Variants in KIAA0232 observed in about 807,000 individuals in gnomAD.
The protein encoded by KIAA0232 is KIAA0232, also known as uncharacterized protein KIAA0232.
In KIAA0232, 27 loss-of-function variants were observed where a neutral mutation model predicts 122.0. The ratio of observed to expected loss-of-function variants is 0.22; its 90% CI spans 0.16 to 0.31. KIAA0232 has a LOEUF of 0.31. KIAA0232 is among the 10% of genes least tolerant of loss of function. KIAA0232 has a pLI of 1.00. For missense variants in KIAA0232, 1,551 were observed against 1,634.2 expected (o/e 0.95, Z 0.88); for synonymous variants, 613 against 587.6 (o/e 1.04, Z -0.63).
intron 3 of KIAA0232, among the ~76,000 whole-genome samples, chr4:6,835,680 C>T (rs1434895495): frequency 2.6e-5 from 4 of 152,152 alleles, no homozygotes; most frequent in East Asian, 1.9e-4. Flanking sequence ...CATGTGTTCT[C>T]ATTGTTCAAT....
At chr4:6,858,533 AGT>A in intron 6 of KIAA0232, 27 bp downstream of exon 6, 1 of 1,462,402 alleles carries the variant, frequency 6.8e-7, no homozygotes, top group Non-Finnish European at 9.4e-7. Context: ...TCGGTAATAA[AGT>A]GTGCATTTGT....
At chr4:6,790,411 T>C (rs1716840206) in intron 1 of KIAA0232, among the ~76,000 whole-genome samples, 1 of 135,354 alleles carries the variant, frequency 7.4e-6, no homozygotes, top group Non-Finnish European at 1.6e-5. Context: ...TTTTTTTTTT[T>C]TGAGGCAGAG....
At chr4:6,788,534 A>G (rs531713812) in intron 1 of KIAA0232, among the ~76,000 whole-genome samples, 56 of 152,030 alleles carry the variant, frequency 3.7e-4, no homozygotes, top group African/African-American at 1.2e-3. Flanking sequence ...CTACTTATCT[A>G]TTTTTTCCTT....
intron 3 of KIAA0232, among the ~76,000 whole-genome samples, chr4:6,834,487 T>C (rs1172356665): frequency 2.0e-5 from 3 of 152,354 alleles, no homozygotes; most frequent in South Asian, 2.1e-4. Flanking sequence ...GCAGGTAGGC[T>C]AATGCATTTG....
At chr4:6,848,674 T>C (rs532043616) in intron 4 of KIAA0232, among the ~76,000 whole-genome samples, 1 of 152,366 alleles carries the variant, frequency 6.6e-6, no homozygotes, top group East Asian at 1.9e-4. Flanking sequence ...GGGATGACTA[T>C]ATACTGTGTC....
At chr4:6,791,589 A>C (rs1716897367) in intron 1 of KIAA0232, among the ~76,000 whole-genome samples, 1 of 152,050 alleles carries the variant, frequency 6.6e-6, no homozygotes, top group South Asian at 2.1e-4. Flanking sequence ...TCTGCCTCCC[A>C]AAATGCTGGG....
Position 6,842,092 on chromosome 4 carries a change from A to C in KIAA0232, c.257A>C (p.Glu86Ala). 1 of 1,612,862 alleles carries C rather than the reference A, an allele frequency of 6.2e-7. No homozygotes were observed. Among genetic ancestry groups the C allele is most frequent in the Non-Finnish European group, 8.5e-7 (1 of 1,179,532 alleles). The change falls in exon 4 of 10, where the codon GAA (glutamate) becomes GCA (alanine). Residue 86 changes from glutamate (E) to alanine (A), a missense_variant. Glu to Ala is a moderately radical substitution (Grantham distance 107). Transcript: ENST00000307659. The stretch of plus-strand genomic sequence containing the variant: ...GAGAATGACATCTTCCTGGGCTGGG[A>C]AAAAGGAGCTTATAAGAAATGGGGA... ...EQENDIFLGW[E>A]KGAYKKWGKS...
rs1237112851 is a variant in KIAA0232, at chr4:6,880,790, T to C, written c.4012T>C (p.Ser1338Pro). 6.5e-7 allele frequency: 1 copy of C among 1,534,982 alleles called. No homozygotes were observed. The highest frequency in any genetic ancestry group is 8.8e-7 in the Non-Finnish European group (1 of 1,138,126). ...TTGAAAATTGTTTTAATCTTAGGTG[T>C]CTTCTGTTTATGAAGCAAGATGTAC... ...EERLLDFNRV[S>P]SVYEARCTGE... Residue 1338 changes from serine (S) to proline (P), a missense_variant, in exon 10 of 10, where the codon TCT becomes CCT. By Grantham distance (74) the Ser-to-Pro change is moderately conservative (BLOSUM62 -1). Around this residue, in one of 5 missense-constraint regions of KIAA0232, gnomAD observed 1,108 missense variants for 1,154.8 expected, o/e 0.96. Transcript: ENST00000307659.
chr4:6,809,457 G>A (rs1717778453), intron 2 of KIAA0232, among the ~76,000 whole-genome samples: 1 of 152,144 alleles, frequency 6.6e-6, no homozygotes, highest in Non-Finnish European at 1.5e-5. Flanking sequence ...CAAGATAATG[G>A]CCATTTTGTC....
At position 6,881,119 on chromosome 4, in the gene KIAA0232, T is replaced by G. The variant is rs1722053861; in HGVS notation, c.*153T>G. 1.7e-6 allele frequency: 1 copy of G among 597,150 alleles called. No homozygotes were observed. The highest frequency in any genetic ancestry group is 2.6e-6 in the Non-Finnish European group (1 of 382,018). The allele number at this position is 597,150 out of a possible 1,614,324, so 37.0% of individuals were successfully genotyped here. A position where few individuals can be genotyped will look rare whatever the true frequency, so the allele number is the denominator to read the frequency against. On this transcript the variant is annotated 3_prime_UTR_variant, in exon 10 of 10. Coordinates refer to ENST00000307659, the MANE Select transcript of KIAA0232 (RefSeq NM_014743.3). ...AATTATCTTTCTCTTCTTGCTTATTTTAGAGTTGAGGACAGCTATCCTGTT... is the reference window on the plus strand; with the variant it reads ...AATTATCTTTCTCTTCTTGCTTATTGTAGAGTTGAGGACAGCTATCCTGTT...
intron 1 of KIAA0232, among the ~76,000 whole-genome samples, chr4:6,793,516 C>T (rs1271516709): frequency 6.6e-6 from 1 of 152,212 alleles, no homozygotes; most frequent in Non-Finnish European, 1.5e-5. Context: ...TCTGAGATTT[C>T]ACCTTGTAAA....
intron 1 of KIAA0232, among the ~76,000 whole-genome samples, chr4:6,787,660 C>T (rs1577350279): frequency 2.0e-5 from 3 of 152,126 alleles, no homozygotes; most frequent in African/African-American, 7.2e-5. Context: ...TTCCTCTGCC[C>T]CTACCCTCCC....
Position 6,880,888 on chromosome 4 carries a change from G to C in KIAA0232, c.4110G>C (p.Ser1370=). ...TGTGCTCCAGCGCCAGCTCCACCTC[G>C]GAAGAGACAGGCTCAGAAGGCGGAG... ...GKMCSSASST[S]EETGSEGGGE... The change falls in exon 10 of 10, where the codon TCG becomes TCC. Residue 1370 remains serine, a synonymous_variant. Transcript: ENST00000307659. 1 of 1,607,542 alleles carries C rather than the reference G, an allele frequency of 6.2e-7. No individual in the cohort carries two copies. The highest frequency in any genetic ancestry group is 8.5e-7 in the Non-Finnish European group (1 of 1,176,890).
chr4:6,814,379 GTT>G (rs894516711), intron 2 of KIAA0232, among the ~76,000 whole-genome samples: 2 of 139,980 alleles, frequency 1.4e-5, no homozygotes, highest in Non-Finnish European at 3.1e-5. Context: ...ATAGTTGGTT[GTT>G]TTTTTTTTTT....
intron 4 of KIAA0232, among the ~76,000 whole-genome samples, chr4:6,850,696 T>A (rs992725108): frequency 2.0e-5 from 3 of 151,272 alleles, no homozygotes; most frequent in African/African-American, 7.3e-5. Context: ...TTAGACGGAG[T>A]CTCGCTCTGT....
chr4:6,813,185 T>C (rs1227613493), intron 2 of KIAA0232, among the ~76,000 whole-genome samples: 3 of 152,190 alleles, frequency 2.0e-5, no homozygotes, highest in Non-Finnish European at 4.4e-5. Flanking sequence ...GGAACATTAT[T>C]ACATAAGGGA....
At chr4:6,802,732 G>C (rs1009869422) in intron 1 of KIAA0232, among the ~76,000 whole-genome samples, 1 of 152,136 alleles carries the variant, frequency 6.6e-6, no homozygotes, top group African/African-American at 2.4e-5. Context: ...ATACAGAGTG[G>C]TGATTCAGGT....
At chr4:6,868,862 C>T (rs917250160) in intron 7 of KIAA0232, among the ~76,000 whole-genome samples, 5 of 152,168 alleles carry the variant, frequency 3.3e-5, no homozygotes, top group African/African-American at 1.2e-4. Flanking sequence ...TAGGAATTGA[C>T]ATTCAAATGG....
rs1344932183 is a variant in KIAA0232 at position 6,861,821 on chromosome 4, A to C, written c.1439A>C (p.Asp480Ala). The change falls in exon 7 of 10, where the codon GAT becomes GCT. Residue 480 changes from aspartate (D) to alanine (A), a missense_variant. Asp to Ala is a moderately radical substitution (Grantham distance 126). Transcript: ENST00000307659. Reference protein sequence around the residue: ...FVEMPAVINEDIDLTGTSLCS... With the variant: ...FVEMPAVINEAIDLTGTSLCS... ...GAAATGCCTGCAGTTATAAATGAGG[A>C]TATTGACCTCACTGGGACCTCATTA... 9.3e-6 allele frequency: 15 copies of C among 1,613,690 alleles called. No homozygotes were observed. Among genetic ancestry groups the C allele is most frequent in the Non-Finnish European group, 1.2e-5 (14 of 1,179,732 alleles).
Sources: allele counts gnomAD v4.1 joint callset (sites outside exome capture counted in the v4.1 genomes callset), GRCh38; gene constraint gnomAD v4.1.1; regional missense constraint gnomAD v4.1.1; transcripts MANE v1.5; gene names NCBI Gene and HGNC (gene_info 2026-07-23, HGNC 2026-07-21).